COG5: variants seen among roughly 807,000 people sequenced by gnomAD.
COG5 encodes component of oligomeric golgi complex 5.
COG5 carries 86 observed loss-of-function variants against 110.4 expected under a neutral mutation model. The ratio of observed to expected loss-of-function variants is 0.78; its 90% confidence interval spans 0.65 to 0.93. The LOEUF (loss-of-function observed/expected upper bound fraction) is 0.93. Ranked by LOEUF, COG5 falls within the 40% of genes least tolerant of loss-of-function variation. The pLI, the probability that COG5 is intolerant of heterozygous loss-of-function variation, is 0.00. For missense variants in COG5, 1,077 were observed against 987.0 expected (o/e 1.09, Z -1.22); for synonymous variants, 360 against 334.6 (o/e 1.08, Z -0.83).
Position 107,442,165 on chromosome 7 carries a change from C to CA in COG5, c.539-29534dup, listed in dbSNP as rs560165164. Among the ~76,000 whole-genome samples the CA allele has an allele frequency of 5.9e-5, 9 of 152,278 alleles. No individual in the cohort carries two copies. In the South Asian group the frequency reaches 1.9e-3, roughly 32 times the overall value. Reference sequence around the variant, plus strand: ...CATCCCCCCCTGTTCTTGTGATAGTCAGTGAGTTCTCAAGAGATTTGGCTG... The same window carrying CA: ...CATCCCCCCCTGTTCTTGTGATAGTCAAGTGAGTTCTCAAGAGATTTGGCTG... On this transcript the variant is annotated intron_variant, in intron 6 of 21. Coordinates refer to ENST00000297135, the MANE Select transcript of COG5 (RefSeq NM_006348.5).
chr7:107,290,436 C>T (rs150096930), intron 12 of COG5, among the ~76,000 whole-genome samples: 2 of 152,246 alleles, frequency 1.3e-5, no homozygotes, highest in African/African-American at 4.8e-5. Context: ...ACAGTCGATA[C>T]ATATTATTTT....
At chr7:107,308,679 C>T (rs1384343797) in intron 11 of COG5, among the ~76,000 whole-genome samples, 1 of 151,324 alleles carries the variant, frequency 6.6e-6, no homozygotes, top group Non-Finnish European at 1.5e-5. Flanking sequence ...CATGTTTGAT[C>T]GTGTTCCTTT....
intron 12 of COG5, among the ~76,000 whole-genome samples, chr7:107,285,058 T>C (rs1177031207): frequency 6.6e-6 from 1 of 152,208 alleles, no homozygotes. Flanking sequence ...CTTAATGTTT[T>C]CTCATTCAGT....
chr7:107,500,823 CT>C (rs1466525029), intron 6 of COG5, among the ~76,000 whole-genome samples: 5 of 152,028 alleles, frequency 3.3e-5, no homozygotes, highest in Non-Finnish European at 5.9e-5. Context: ...AAACTGCAAG[CT>C]ATTTTACTGA....
chr7:107,388,088 G>A (rs1790338658), intron 7 of COG5, among the ~76,000 whole-genome samples: 1 of 152,126 alleles, frequency 6.6e-6, no homozygotes, highest in African/African-American at 2.4e-5. Flanking sequence ...CAAAATTGGA[G>A]AAACTTATCT....
chr7:107,384,893 T>C (rs1815442915), intron 7 of COG5, among the ~76,000 whole-genome samples: 1 of 152,216 alleles, frequency 6.6e-6, no homozygotes, highest in African/African-American at 2.4e-5. Context: ...TCTGTTATGG[T>C]AGTCAGAGCT....
At chr7:107,281,522 C>A in intron 13 of COG5, 123 bp from the exon 14 acceptor site, 1 of 751,650 alleles carries the variant, frequency 1.3e-6, no homozygotes, top group East Asian at 2.7e-5. Context: ...TTCACTGCTT[C>A]CAAGAACTGG....
At chr7:107,436,423 A>C (rs1245694999) in intron 6 of COG5, among the ~76,000 whole-genome samples, 1 of 152,126 alleles carries the variant, frequency 6.6e-6, no homozygotes, top group African/African-American at 2.4e-5. Flanking sequence ...CACAATAAGA[A>C]TGGTGGTTGC....
At chr7:107,488,225 T>G (rs1451098594) in intron 6 of COG5, among the ~76,000 whole-genome samples, 3 of 151,852 alleles carry the variant, frequency 2.0e-5, no homozygotes, top group Non-Finnish European at 4.4e-5. Flanking sequence ...TCTGTTACAT[T>G]TTGGGTCCAT....
chr7:107,404,692 GA>G lies in COG5; in HGVS notation c.669+7809del, dbSNP rs1400902761. Reference sequence around the variant, plus strand: ...TTGATGAGAAGGAGACAGTATAAGGGAAATGAGGGATGGAAATGTCAACAAG... The same window carrying G: ...TTGATGAGAAGGAGACAGTATAAGGGAATGAGGGATGGAAATGTCAACAAG... On this transcript the variant is annotated intron_variant, in intron 7 of 21. Coordinates refer to ENST00000297135, the MANE Select transcript of COG5 (RefSeq NM_006348.5). Among the ~76,000 whole-genome samples the G allele has an allele frequency of 2.0e-5, 3 of 152,008 alleles. No homozygotes were observed. The East Asian group carries it at 5.8e-4, about 29-fold the overall frequency.
intron 6 of COG5, among the ~76,000 whole-genome samples, chr7:107,510,932 A>G (rs533374730): frequency 6.6e-6 from 1 of 152,310 alleles, no homozygotes; most frequent in African/African-American, 2.4e-5. Context: ...AATGCCCACA[A>G]GAGAAAGCAG....
At chr7:107,552,512 C>T (rs1246991218) in intron 3 of COG5, among the ~76,000 whole-genome samples, 1 of 151,568 alleles carries the variant, frequency 6.6e-6, no homozygotes, top group African/African-American at 2.4e-5. Flanking sequence ...GCAGGCAACA[C>T]ACATGAAAAA....
chr7:107,207,791 A>G (rs1381610878), intron 21 of COG5: 2 of 985,322 alleles, frequency 2.0e-6, no homozygotes, highest in Non-Finnish European at 2.4e-6. Context: ...GAACTTGACT[A>G]GTATTCATTT....
chr7:107,430,403 C>CA (rs1168310177), intron 6 of COG5, among the ~76,000 whole-genome samples: 1 of 152,176 alleles, frequency 6.6e-6, no homozygotes, highest in Non-Finnish European at 1.5e-5. Context: ...CTATAAATGT[C>CA]AGAGTTTATT....
At chr7:107,329,770 C>T (rs1810088953) in intron 10 of COG5, among the ~76,000 whole-genome samples, 1 of 152,026 alleles carries the variant, frequency 6.6e-6, no homozygotes, top group Non-Finnish European at 1.5e-5. Context: ...GGAGCATGTG[C>T]CTGTGGTCTC....
At chr7:107,545,294 G>T (rs1321663493) in intron 5 of COG5, among the ~76,000 whole-genome samples, 1 of 152,044 alleles carries the variant, frequency 6.6e-6, no homozygotes, top group Non-Finnish European at 1.5e-5. Flanking sequence ...CTCCAATCAG[G>T]TTCAATGTAA....
At chr7:107,323,989 T>A (rs1809537530) in intron 11 of COG5, among the ~76,000 whole-genome samples, 2 of 152,202 alleles carry the variant, frequency 1.3e-5, no homozygotes. Flanking sequence ...GACCAACTTT[T>A]AATTCACGAT....
At chr7:107,515,717 T>C (rs1184574263) in intron 6 of COG5, among the ~76,000 whole-genome samples, 1 of 152,228 alleles carries the variant, frequency 6.6e-6, no homozygotes, top group East Asian at 1.9e-4. Context: ...ATCATCCTTC[T>C]TTTACTCTTG....
At chr7:107,510,208 C>A (rs1179244804) in intron 6 of COG5, among the ~76,000 whole-genome samples, 1 of 151,762 alleles carries the variant, frequency 6.6e-6, no homozygotes, top group East Asian at 1.9e-4. Flanking sequence ...GGAAGATCTA[C>A]CAAGCAAATG....
Sources: allele counts gnomAD v4.1 joint callset (sites outside exome capture counted in the v4.1 genomes callset), GRCh38; gene constraint gnomAD v4.1.1; transcripts MANE v1.5; gene names NCBI Gene and HGNC (gene_info 2026-07-23, HGNC 2026-07-21).